The following GRID2 variants were observed in gnomAD, a reference collection of about 807,000 sequenced individuals.
GRID2 encodes glutamate ionotropic receptor delta type subunit 2.
Under a neutral mutation model 114.8 loss-of-function variants are expected in GRID2, and 33 were observed. The ratio of observed to expected loss-of-function variants is 0.29; its 90% CI spans 0.22 to 0.38. The LOEUF (loss-of-function observed/expected upper bound fraction) is 0.38. Ranked by LOEUF, GRID2 falls within the 10% of genes least tolerant of loss-of-function variation. The probability of loss-of-function intolerance (pLI) is 1.00; values close to 1 mark genes in which losing one functional copy is unlikely to be tolerated. For synonymous variants in GRID2, 505 were observed against 449.9 expected (o/e 1.12, Z -1.55); for missense variants, 1,184 against 1,257.7 (o/e 0.94, Z 0.89).
intron 2 of GRID2, among the ~76,000 whole-genome samples, chr4:92,730,708 G>T (rs1346948639): frequency 6.6e-6 from 1 of 151,884 alleles, no homozygotes; most frequent in Non-Finnish European, 1.5e-5. Flanking sequence ...AGAAGAAAAT[G>T]TTCCCCGATT....
chr4:92,469,546 A>G (rs2149094403), intron 1 of GRID2, among the ~76,000 whole-genome samples: 1 of 152,162 alleles, frequency 6.6e-6, no homozygotes, highest in African/African-American at 2.4e-5. Context: ...TTATTGTTGT[A>G]TTGTTATTTT....
At chr4:93,002,623 T>C (rs1229402026) in intron 2 of GRID2, among the ~76,000 whole-genome samples, 1 of 151,794 alleles carries the variant, frequency 6.6e-6, no homozygotes, top group Non-Finnish European at 1.5e-5. Flanking sequence ...TTCTGCTTTG[T>C]TTTCTATTTT....
intron 2 of GRID2, among the ~76,000 whole-genome samples, chr4:92,722,775 CAT>C (rs370679668): frequency 2.1e-3 from 325 of 152,104 alleles, no homozygotes; most frequent in African/African-American, 7.6e-3. Context: ...CTCAAAGAAA[CAT>C]AAGATTATTT....
intron 2 of GRID2, chr4:92,838,695 C>CT (rs1742654486): frequency 6.6e-6 from 1 of 152,054 alleles, no homozygotes; most frequent in Admixed American, 6.6e-5. Flanking sequence ...AGCCCATGTT[C>CT]TATTAGACAT....
chr4:93,738,404 A>C (rs1461649748), intron 14 of GRID2, among the ~76,000 whole-genome samples: 1 of 152,160 alleles, frequency 6.6e-6, no homozygotes, highest in Non-Finnish European at 1.5e-5. Context: ...GAGATAGTGG[A>C]ATCTGTTAAC....
At chr4:93,728,583 G>T (rs1229516235) in intron 14 of GRID2, among the ~76,000 whole-genome samples, 2 of 152,090 alleles carry the variant, frequency 1.3e-5, no homozygotes. Context: ...GTTGACAGTG[G>T]GGTGTTAAAG....
intron 2 of GRID2, among the ~76,000 whole-genome samples, chr4:92,640,206 G>A (rs1382778): frequency 0.017 from 2,529 of 151,862 alleles, 38 homozygotes; most frequent in East Asian, 0.072. Context: ...CTAAAGGAGT[G>A]AGTTGAGAGA....
At chr4:92,505,231 C>G (rs947746894) in intron 1 of GRID2, among the ~76,000 whole-genome samples, 2 of 151,842 alleles carry the variant, frequency 1.3e-5, no homozygotes, top group Non-Finnish European at 2.9e-5. Flanking sequence ...TAATGTAAGC[C>G]CACTGAATTT....
At chr4:93,667,247 G>C (rs949652190) in intron 14 of GRID2, among the ~76,000 whole-genome samples, 1 of 152,004 alleles carries the variant, frequency 6.6e-6, no homozygotes, top group Non-Finnish European at 1.5e-5. Context: ...AAAAGGGAAG[G>C]CTTTTTGAAA....
intron 1 of GRID2, among the ~76,000 whole-genome samples, chr4:92,580,498 A>T (rs528851119): frequency 6.6e-6 from 1 of 152,088 alleles, no homozygotes; most frequent in East Asian, 1.9e-4. Context: ...CAATTACAAG[A>T]AACTTATTTA....
intron 8 of GRID2, among the ~76,000 whole-genome samples, chr4:93,350,279 T>C (rs945613858): frequency 6.6e-6 from 1 of 152,104 alleles, no homozygotes; most frequent in Admixed American, 6.6e-5. Flanking sequence ...CCAGTTGCTT[T>C]TCTCCCCAAT....
intron 4 of GRID2, among the ~76,000 whole-genome samples, chr4:93,206,070 T>C (rs1013419147): frequency 2.0e-5 from 3 of 151,808 alleles, no homozygotes; most frequent in Non-Finnish European, 4.4e-5. Context: ...TAAAGTATAA[T>C]AATAATAAAA....
At chr4:93,789,254 C>T (rs1395315692) in intron 1 of GRID2, among the ~76,000 whole-genome samples, 1 of 152,074 alleles carries the variant, frequency 6.6e-6, no homozygotes, top group Non-Finnish European at 1.5e-5. Context: ...TGAATTGCAC[C>T]TAAATTAGCA....
At chr4:93,625,218 G>C (rs1437190472) in intron 13 of GRID2, among the ~76,000 whole-genome samples, 1 of 152,196 alleles carries the variant, frequency 6.6e-6, no homozygotes, top group African/African-American at 2.4e-5. Flanking sequence ...GTAACCCAAG[G>C]CGTCAGTAGC....
chr4:92,665,091 A>C (rs1461264027), intron 2 of GRID2, among the ~76,000 whole-genome samples: 1 of 150,168 alleles, frequency 6.7e-6, no homozygotes, highest in African/African-American at 2.4e-5. Flanking sequence ...AAGCATTATA[A>C]ATTTTTTGTC....
intron 1 of GRID2, among the ~76,000 whole-genome samples, chr4:92,412,527 T>G (rs1229898762): frequency 6.6e-6 from 1 of 152,158 alleles, no homozygotes; most frequent in East Asian, 1.9e-4. Flanking sequence ...TTCTTTAACC[T>G]CTAAGGTTTT....
At chr4:93,196,890 A>G (rs1202656065) in intron 4 of GRID2, among the ~76,000 whole-genome samples, 1 of 152,142 alleles carries the variant, frequency 6.6e-6, no homozygotes, top group African/African-American at 2.4e-5. Flanking sequence ...CTCTGGTTAA[A>G]CATCAGGAAT....
intron 13 of GRID2, among the ~76,000 whole-genome samples, chr4:93,608,783 T>C (rs1157367512): frequency 7.3e-6 from 1 of 137,094 alleles, no homozygotes; most frequent in African/African-American, 2.7e-5. Flanking sequence ...CGGGTGCATG[T>C]GTCTTTATAG....
chr4:93,229,160 A>T (rs545777773), intron 7 of GRID2, among the ~76,000 whole-genome samples: 5,305 of 151,068 alleles, frequency 0.035, 105 homozygotes, highest in Middle Eastern at 0.055. Context: ...ATGGATTTTT[A>T]GAAAAAAAAA....
Sources: gnomAD v4.1 joint callset for allele counts (sites outside exome capture counted in the v4.1 genomes callset) on GRCh38, gnomAD v4.1.1 for gene constraint, MANE v1.5 for transcripts, NCBI Gene and HGNC (gene_info 2026-07-23, HGNC 2026-07-21) for gene names.